The following DYNC1LI2 variants were observed in gnomAD, a reference collection of about 807,000 sequenced individuals.
DYNC1LI2 encodes the protein cytoplasmic dynein 1 light intermediate chain 2.
A neutral mutation model predicts 57.8 loss-of-function variants in DYNC1LI2; 19 were observed. The ratio of observed to expected loss-of-function variants is 0.33; its 90% CI spans 0.23 to 0.48. The LOEUF is 0.48. Ranked by LOEUF, DYNC1LI2 falls within the 20% of genes least tolerant of loss-of-function variation. The pLI, the probability that DYNC1LI2 is intolerant of heterozygous loss-of-function variation, is 0.99. For missense variants in DYNC1LI2, 470 were observed against 604.2 expected (o/e 0.78, Z 2.33); for synonymous variants, 256 against 233.4 (o/e 1.10, Z -0.88).
At chr16:66,730,258 C>T (rs2017612024) in intron 7 of DYNC1LI2, 35 bp from the exon 8 acceptor site, 2 of 1,579,826 alleles carry the variant, frequency 1.3e-6, no homozygotes, top group Non-Finnish European at 1.7e-6. Flanking sequence ...AATTGCTTTT[C>T]CTGGGGCTGC....
intron 2 of DYNC1LI2, 28 bp from the exon 3 acceptor site, chr16:66,749,341 T>A (rs749151281): frequency 6.2e-7 from 1 of 1,607,906 alleles, no homozygotes; most frequent in South Asian, 1.1e-5. Flanking sequence ...AAGACAAAGG[T>A]GTACTGTTTA....
intron 10 of DYNC1LI2, 154 bp downstream of exon 10, chr16:66,728,047 C>T (rs2017567437): frequency 4.6e-6 from 5 of 1,096,560 alleles, no homozygotes; most frequent in Non-Finnish European, 6.5e-6. Context: ...TCTTGAGTTT[C>T]TTTTATGTTT....
At chr16:66,748,646 C>A (rs1294236076) in intron 3 of DYNC1LI2, among the ~76,000 whole-genome samples, 3 of 152,142 alleles carry the variant, frequency 2.0e-5, no homozygotes, top group African/African-American at 7.2e-5. Context: ...TCACTGCAGT[C>A]CCCAACTCCT....
chr16:66,748,396 A>C (rs1326629539), intron 3 of DYNC1LI2, among the ~76,000 whole-genome samples: 4 of 152,188 alleles, frequency 2.6e-5, no homozygotes, highest in Non-Finnish European at 1.5e-5. Context: ...ACTTGTAAGA[A>C]AACATTTTAA....
chr16:66,723,565 A>G lies in DYNC1LI2; in HGVS notation c.*157T>C, dbSNP rs1422567317. On this transcript the variant is annotated 3_prime_UTR_variant, in exon 13 of 13. Transcript: ENST00000258198. Reference sequence around the variant, plus strand: ...TAACCTTCCTAAATGTGCATTTCACACTCGGACAAGCCAATGAAGTTTTTT... The same window carrying G: ...TAACCTTCCTAAATGTGCATTTCACGCTCGGACAAGCCAATGAAGTTTTTT... The G allele has an allele frequency of 1.5e-6, 1 of 671,552 alleles. No individual in the cohort carries two copies. Among genetic ancestry groups the G allele is most frequent in the African/African-American group, 1.8e-5 (1 of 54,182 alleles). 41.6% of individuals were successfully genotyped at this position (671,552 alleles called of 1,614,324 possible).
intron 6 of DYNC1LI2, 57 bp from the exon 7 acceptor site, chr16:66,732,531 CAT>C: frequency 6.4e-7 from 1 of 1,568,430 alleles, no homozygotes; most frequent in Non-Finnish European, 8.6e-7. Flanking sequence ...AAATCGAACA[CAT>C]ACAACCTCAA....
At position 66,751,253 on chromosome 16, in the gene DYNC1LI2, G is replaced by A. The variant is rs762949247; in HGVS notation, c.181+20C>T. The A allele has an allele frequency of 8.7e-6, 14 of 1,608,296 alleles. No homozygotes were observed. The highest frequency in any genetic ancestry group is 1.1e-5 in the Non-Finnish European group (13 of 1,177,874). ...GCCCACCCCAGCGACCTGGGGCAAC[G>A]CCCCGCCGCCGGCGCTCACCGAAGA... On this transcript the variant is annotated intron_variant, in intron 2 of 12. Coordinates refer to ENST00000258198, the MANE Select transcript of DYNC1LI2 (RefSeq NM_006141.3). The surrounding 1 kb of genome is among the most constrained non-coding windows in gnomAD (Gnocchi z 5.2).
intron 2 of DYNC1LI2, among the ~76,000 whole-genome samples, chr16:66,750,650 G>A (rs887951466): frequency 6.6e-6 from 1 of 152,174 alleles, no homozygotes; most frequent in Non-Finnish European, 1.5e-5. Flanking sequence ...TAGTGTTTAA[G>A]AGTCGCCTAT....
chr16:66,735,502 T>C (rs1313945804), intron 5 of DYNC1LI2, among the ~76,000 whole-genome samples: 1 of 104,242 alleles, frequency 9.6e-6, no homozygotes, highest in Non-Finnish European at 1.7e-5. Flanking sequence ...CTGTGAGTTC[T>C]TTTTTTTTTA....
intron 4 of DYNC1LI2, among the ~76,000 whole-genome samples, chr16:66,738,532 G>A (rs1422594625): frequency 6.6e-6 from 1 of 151,870 alleles, no homozygotes; most frequent in Non-Finnish European, 1.5e-5. Context: ...TTACAGGCGT[G>A]AGCCACAGCA....
Position 66,736,134 on chromosome 16 carries a change from G to C in DYNC1LI2, c.640C>G (p.Leu214Val). 1 of 1,614,054 alleles carries C rather than the reference G, an allele frequency of 6.2e-7. No individual in the cohort carries two copies. The highest frequency in any genetic ancestry group is 8.5e-7 in the Non-Finnish European group (1 of 1,180,034). Residue 214 changes from leucine to valine, a missense_variant, in exon 5 of 13, where the codon CTG (leucine) becomes GTG (valine). Physicochemically the swap from Leu to Val is conservative, Grantham distance 32 (BLOSUM62 1). Coordinates refer to ENST00000258198, the MANE Select transcript of DYNC1LI2 (RefSeq NM_006141.3). Reference protein sequence around the residue: ...GSDEENVALPLGDNVLTHNLG... With the variant: ...GSDEENVALPVGDNVLTHNLG... Reference sequence around the variant, plus strand: ...TTATGAGTCAGCACATTGTCACCCAGAGGCAGGGCAACATTTTCTTCATCG... The same window carrying C: ...TTATGAGTCAGCACATTGTCACCCACAGGCAGGGCAACATTTTCTTCATCG...
At chr16:66,736,577 T>C (rs1482478222) in intron 4 of DYNC1LI2, among the ~76,000 whole-genome samples, 1 of 152,168 alleles carries the variant, frequency 6.6e-6, no homozygotes, top group Non-Finnish European at 1.5e-5. Context: ...AGCAGTCTGA[T>C]ATCACCATCT....
chr16:66,742,844 G>A (rs1362608590), intron 3 of DYNC1LI2, among the ~76,000 whole-genome samples, 176 bp from the exon 4 acceptor site: 1 of 152,100 alleles, frequency 6.6e-6, no homozygotes, highest in African/African-American at 2.4e-5. Flanking sequence ...GCAATCCTTG[G>A]TCCTGGTGCC....
chr16:66,735,233 C>T (rs1214451826), intron 5 of DYNC1LI2, among the ~76,000 whole-genome samples: 2 of 151,312 alleles, frequency 1.3e-5, no homozygotes, highest in East Asian at 2.0e-4. Flanking sequence ...CCCCGAGTAG[C>T]TGGGATGACA....
intron 5 of DYNC1LI2, among the ~76,000 whole-genome samples, chr16:66,735,476 A>G (rs2017717027): frequency 1.3e-5 from 2 of 151,692 alleles, no homozygotes; most frequent in African/African-American, 4.9e-5. Context: ...TGATTTAAAT[A>G]GCCTTAAGGA....
intron 2 of DYNC1LI2, 82 bp from the exon 3 acceptor site, chr16:66,749,395 G>A: frequency 7.6e-7 from 1 of 1,315,760 alleles, no homozygotes; most frequent in Non-Finnish European, 1.1e-6. Context: ...ATGACACGGA[G>A]AAACTAAGAA....
rs770719263 is a variant in DYNC1LI2 at position 66,742,620 on chromosome 16, T to C, written c.347A>G (p.Lys116Arg). ...AGAAACTGCAAATTTCAGCAGGCCT[T>C]TGTGGTACAAGTCTCCATCCAGAAT... ...VWILDGDLYH[K>R]GLLKFAVSAE... The change falls in exon 4 of 13, where the codon AAA becomes AGA. Residue 116 changes from lysine to arginine, a missense_variant. Transcript: ENST00000258198. 1.2e-6 allele frequency: 2 copies of C among 1,614,112 alleles called. No homozygotes were observed. The highest frequency in any genetic ancestry group is 2.7e-5 in the African/African-American group (2 of 74,940).
chr16:66,723,048 G>C lies in DYNC1LI2; in HGVS notation c.*674C>G, dbSNP rs1277919878. The C allele has an allele frequency of 3.1e-6, 1 of 327,844 alleles. No individual in the cohort carries two copies. The highest frequency in any genetic ancestry group is 6.0e-6 in the Non-Finnish European group (1 of 166,864). 20.3% of individuals were successfully genotyped at this position (327,844 alleles called of 1,614,324 possible). ...CAGCTGCCATCGTTCCCACCCCTGGGTCAGCTCCGCCTGACTCAGGCACCC... is the reference window on the plus strand; with the variant it reads ...CAGCTGCCATCGTTCCCACCCCTGGCTCAGCTCCGCCTGACTCAGGCACCC... On this transcript the variant is annotated 3_prime_UTR_variant, in exon 13 of 13. Coordinates refer to ENST00000258198, the MANE Select transcript of DYNC1LI2 (RefSeq NM_006141.3).
intron 4 of DYNC1LI2, chr16:66,738,856 C>T (rs763795058): frequency 6.7e-6 from 1 of 148,178 alleles, no homozygotes. Context: ...GGCTGGGTGA[C>T]AGTGAGACTC....
Sources: gnomAD v4.1 joint callset for allele counts (sites outside exome capture counted in the v4.1 genomes callset) on GRCh38, gnomAD v4.1.1 for gene constraint, Gnocchi (gnomAD v3.1) non-coding constraint, MANE v1.5 for transcripts, NCBI Gene and HGNC (gene_info 2026-07-23, HGNC 2026-07-21) for gene names.